Variants in PARP16 observed in about 807,000 individuals in gnomAD.
PARP16 encodes the protein protein mono-ADP-ribosyltransferase PARP16.
In PARP16, 31 loss-of-function variants were observed where a neutral mutation model predicts 35.0. That is an observed-to-expected ratio of 0.88 (90% confidence interval 0.66 to 1.19). The LOEUF is 1.19. PARP16 is among the 50% of genes most tolerant of loss of function. The pLI, the probability that PARP16 is intolerant of heterozygous loss-of-function variation, is 0.00. For missense variants in PARP16, 424 were observed against 411.2 expected, an observed-to-expected ratio of 1.03 and a Z score of -0.27; for synonymous variants, 162 against 169.5, an observed-to-expected ratio of 0.96 and a Z score of 0.34.
chr15:65,269,176 TTTTCTTTCTTTCTTTCTTTC>T (rs58938798), intron 2 of PARP16, among the ~76,000 whole-genome samples: 1 of 146,054 alleles, frequency 6.8e-6, no homozygotes, highest in Non-Finnish European at 1.5e-5. Flanking sequence ...TAGTCGGTTT[TTTTCTTTCTTTCTTTCTTTC>T]TTTCTTTCTT....
At chr15:65,261,606 C>A (rs2089722097) in intron 4 of PARP16, among the ~76,000 whole-genome samples, 1 of 151,824 alleles carries the variant, frequency 6.6e-6, no homozygotes, top group Admixed American at 6.6e-5. Context: ...CAGGTGCCTG[C>A]CACCATGCCC....
intron 2 of PARP16, among the ~76,000 whole-genome samples, chr15:65,269,190 T>C (rs111472498): frequency 0.29 from 43,132 of 147,622 alleles, 6,733 homozygotes; most frequent in Admixed American, 0.34. Context: ...CTTTCTTTCT[T>C]TCTTTCTTTC....
chr15:65,263,077 C>T lies in PARP16; in HGVS notation c.691+72G>A, dbSNP rs1290904174. 21 of 1,425,976 alleles carry T rather than the reference C, an allele frequency of 1.5e-5. 1 individual carries two copies. Among genetic ancestry groups the T allele is most frequent in the South Asian group, 1.5e-4 (12 of 81,724 alleles). 88.3% of individuals were successfully genotyped at this position (1,425,976 alleles called of 1,614,324 possible). On this transcript the variant is annotated intron_variant, in intron 4 of 5. Transcript: ENST00000649807. ...GGCATGCAATGGGTGCTCTACCCAACAGCTGGGCCAGCAAGAGCCTGTACA... is the reference window on the plus strand; with the variant it reads ...GGCATGCAATGGGTGCTCTACCCAATAGCTGGGCCAGCAAGAGCCTGTACA...
chr15:65,274,341 T>C (rs1194353979), intron 1 of PARP16, among the ~76,000 whole-genome samples: 1 of 150,684 alleles, frequency 6.6e-6, no homozygotes, highest in Non-Finnish European at 1.5e-5. Context: ...TGGGCGGAGC[T>C]CTTCAGTTCA....
chr15:65,246,523 C>T (rs552323707), intron 3 of PARP16, among the ~76,000 whole-genome samples: 121 of 152,358 alleles, frequency 7.9e-4, no homozygotes, highest in Admixed American at 2.3e-3. Context: ...TGGGGCTGGT[C>T]AGGCAGGCAC....
intron 2 of PARP16, among the ~76,000 whole-genome samples, chr15:65,267,938 G>A (rs982039079): frequency 2.6e-5 from 4 of 151,682 alleles, no homozygotes; most frequent in East Asian, 2.0e-4. Flanking sequence ...TGATCCACCC[G>A]CCTCAGCCGC....
At chr15:65,255,743 G>GAAAAAAAAAAAAA (rs56665485), downstream of PARP16, among the ~76,000 whole-genome samples, 67 of 56,824 alleles carry the variant, frequency 1.2e-3, no homozygotes, top group Non-Finnish European at 1.5e-3. Context: ...AGAAAACTCA[G>GAAAAAAAAAAAAA]AAAAAAAAAA....
At chr15:65,268,523 G>A (rs1343982403) in intron 2 of PARP16, among the ~76,000 whole-genome samples, 4 of 152,174 alleles carry the variant, frequency 2.6e-5, no homozygotes, top group African/African-American at 7.2e-5. Flanking sequence ...CTAGCTCATC[G>A]CAGCCTTGAA....
chr15:65,259,481 G>C lies in PARP16; in HGVS notation c.895C>G (p.Leu299Val). The change falls in exon 6 of 6, where the codon CTG (leucine) becomes GTG (valine). Residue 299 changes from leucine to valine, a missense_variant. By Grantham distance (32) the Leu-to-Val change is conservative. Transcript: ENST00000649807. ...ACACTCACTATGAGCAGCAGCAGCA[G>C]ATACAGGGATATCATGACGGTAAAC... is the stretch of plus-strand genomic sequence containing the variant. ...HWFTVMISLY[L>V]LLLLIVSVIN... 1 of 1,613,084 alleles carries C rather than the reference G, an allele frequency of 6.2e-7. No individual in the cohort carries two copies. Among genetic ancestry groups the C allele is most frequent in the Non-Finnish European group, 8.5e-7 (1 of 1,178,966 alleles).
intron 1 of PARP16, among the ~76,000 whole-genome samples, chr15:65,281,864 G>C (rs2090431200): frequency 6.6e-6 from 1 of 152,202 alleles, no homozygotes; most frequent in African/African-American, 2.4e-5. Context: ...AATCAATAAA[G>C]TAATTTAAGG....
intron 2 of PARP16, among the ~76,000 whole-genome samples, chr15:65,267,813 C>T (rs1193732515): frequency 6.7e-6 from 1 of 149,484 alleles, no homozygotes; most frequent in East Asian, 2.1e-4. Flanking sequence ...CCTCAGCCTC[C>T]GGAGTAGCTG....
At chr15:65,283,816 C>T (rs2090493059) in intron 1 of PARP16, among the ~76,000 whole-genome samples, 1 of 152,174 alleles carries the variant, frequency 6.6e-6, no homozygotes, top group Non-Finnish European at 1.5e-5. Context: ...GTATCTGTTG[C>T]CAAAACTGAA....
chr15:65,283,684 T>G (rs1415905504), intron 1 of PARP16, among the ~76,000 whole-genome samples: 1 of 152,032 alleles, frequency 6.6e-6, no homozygotes, highest in Non-Finnish European at 1.5e-5. Context: ...AGCTAGGGGG[T>G]GTCCTTGCTC....
Position 65,259,447 on chromosome 15 carries a change from G to A in PARP16, c.929C>T (p.Ser310Phe). Residue 310 changes from serine to phenylalanine, a missense_variant, in exon 6 of 6, where the codon TCC (serine) becomes TTC (phenylalanine). Coordinates refer to ENST00000649807, the MANE Select transcript of PARP16 (RefSeq NM_001316943.2). Reference protein sequence around the residue: ...LLLLIVSVINSSAFQHFWNRA... With the variant: ...LLLLIVSVINFSAFQHFWNRA... ...ATTCCAAAAGTGTTGGAAAGCAGAGGAGTTGATGACACTCACTATGAGCAG... is the reference window on the plus strand; with the variant it reads ...ATTCCAAAAGTGTTGGAAAGCAGAGAAGTTGATGACACTCACTATGAGCAG... 6.2e-7 allele frequency: 1 copy of A among 1,614,124 alleles called. No individual in the cohort carries two copies. The highest frequency in any genetic ancestry group is 1.1e-5 in the South Asian group (1 of 91,084).
intron 1 of PARP16, among the ~76,000 whole-genome samples, chr15:65,273,580 G>C (rs1386054894): frequency 6.6e-6 from 1 of 151,688 alleles, no homozygotes; most frequent in African/African-American, 2.4e-5. Flanking sequence ...CTCATATATT[G>C]TAATAAAACT....
chr15:65,273,860 T>C (rs1234802637), intron 1 of PARP16, among the ~76,000 whole-genome samples: 15 of 126,458 alleles, frequency 1.2e-4, no homozygotes, highest in Admixed American at 1.2e-3. Context: ...TGGGCAACAA[T>C]AGCAAAACTC....
At chr15:65,234,669 C>T (rs1355678946) in exon 4 of PARP16, 4 of 152,226 alleles carry the variant, frequency 2.6e-5, no homozygotes, top group African/African-American at 9.7e-5. Context: ...CAGTCATCCA[C>T]AAGTGCTGGA....
chr15:65,255,503 C>T (rs892322325), downstream of PARP16, among the ~76,000 whole-genome samples: 4 of 151,704 alleles, frequency 2.6e-5, no homozygotes, highest in South Asian at 8.3e-4. Flanking sequence ...ATAACGTGGC[C>T]CTGCCCTAGT....
At chr15:65,284,337 C>CTTTTTTTTTTTT (rs34254507) in intron 1 of PARP16, among the ~76,000 whole-genome samples, 1 of 67,032 alleles carries the variant, frequency 1.5e-5, no homozygotes, top group African/African-American at 5.5e-5. Flanking sequence ...TTTCTTTCCT[C>CTTTTTTTTTTTT]TTTTTTTTTT....
Sources: gnomAD v4.1 joint callset for allele counts (sites outside exome capture counted in the v4.1 genomes callset) on GRCh38, gnomAD v4.1.1 for gene constraint, MANE v1.5 for transcripts, NCBI Gene and HGNC (gene_info 2026-07-23, HGNC 2026-07-21) for gene names.